The following JARID2 variants were observed in gnomAD, a reference collection of about 807,000 sequenced individuals.
JARID2 encodes jumonji and AT-rich interaction domain containing 2, also known as protein Jumonji.
In JARID2, 21 loss-of-function variants were observed where a neutral mutation model predicts 125.6. The observed-to-expected ratio is 0.17, with a 90% CI of 0.12 to 0.24. The LOEUF is 0.24. JARID2 is among the 10% of genes least tolerant of loss of function. The pLI is 1.00. For synonymous variants in JARID2, 736 were observed against 661.6 expected (o/e 1.11, Z -1.73); for missense variants, 1,303 against 1,639.6 (o/e 0.79, Z 3.55).
intron 1 of JARID2, among the ~76,000 whole-genome samples, chr6:15,275,447 C>G (rs986515430): frequency 6.7e-6 from 1 of 149,290 alleles, no homozygotes; most frequent in African/African-American, 2.5e-5. Flanking sequence ...TGTTTCCCAG[C>G]TGACTAGGTG....
chr6:15,482,710 T>A (rs1216558135), intron 5 of JARID2, among the ~76,000 whole-genome samples: 1 of 152,226 alleles, frequency 6.6e-6, no homozygotes, highest in African/African-American at 2.4e-5. Context: ...TTGTAGATGA[T>A]TTCAGTACTT....
Position 15,477,270 on chromosome 6 carries a change from C to G in JARID2, c.670+8552C>G, listed in dbSNP as rs145806044. On this transcript the variant is annotated intron_variant, in intron 5 of 17. Transcript: ENST00000341776. ...GCCTTTGAGGGGCATTGAGCCCTCT[C>G]TTTGTCTGGGCGGTGGGGTGTTGGG... Among the ~76,000 whole-genome samples, 52 of 152,178 alleles carry G rather than the reference C, an allele frequency of 3.4e-4. 1 individual carries two copies. The East Asian group carries it at 9.9e-3, about 29-fold the overall frequency.
intron 3 of JARID2, among the ~76,000 whole-genome samples, chr6:15,433,763 G>A (rs1466315997): frequency 2.0e-5 from 3 of 151,988 alleles, no homozygotes; most frequent in Non-Finnish European, 4.4e-5. Flanking sequence ...GGATATGGGG[G>A]GAAAATTTGA....
chr6:15,248,816 G>C (rs1759310829), intron 1 of JARID2: 1 of 712,414 alleles, frequency 1.4e-6, no homozygotes, highest in South Asian at 6.2e-5. Flanking sequence ...CGGGCGGGAG[G>C]CTCCAGGCGC....
intron 1 of JARID2, among the ~76,000 whole-genome samples, chr6:15,267,769 T>C (rs560299782): frequency 6.6e-6 from 1 of 151,434 alleles, no homozygotes; most frequent in Non-Finnish European, 1.5e-5. Flanking sequence ...CAGTAGGGGG[T>C]TTTTGGGTGG....
chr6:15,327,150 T>C (rs1335344477), intron 1 of JARID2, among the ~76,000 whole-genome samples: 2 of 152,216 alleles, frequency 1.3e-5, no homozygotes, highest in African/African-American at 4.8e-5. Context: ...TCTGTTAGCC[T>C]CCTTCCTCCT....
intron 3 of JARID2, among the ~76,000 whole-genome samples, chr6:15,424,842 A>T (rs1454584105): frequency 6.6e-6 from 1 of 152,194 alleles, no homozygotes; most frequent in Non-Finnish European, 1.5e-5. Flanking sequence ...CTGGGCAACA[A>T]GAGCAAAACT....
At chr6:15,470,761 A>G (rs1057192670) in intron 5 of JARID2, among the ~76,000 whole-genome samples, 1 of 152,152 alleles carries the variant, frequency 6.6e-6, no homozygotes, top group African/African-American at 2.4e-5. Context: ...TGTGAATTGG[A>G]ATGCAGGTAT....
intron 1 of JARID2, among the ~76,000 whole-genome samples, chr6:15,266,652 A>G (rs1345567779): frequency 6.6e-6 from 1 of 152,252 alleles, no homozygotes; most frequent in African/African-American, 2.4e-5. Context: ...ATTTTAAGGC[A>G]AAACATTTTC....
chr6:15,519,403 G>T (rs1042167208), intron 17 of JARID2, among the ~76,000 whole-genome samples: 2 of 152,162 alleles, frequency 1.3e-5, no homozygotes, highest in Admixed American at 6.5e-5. Flanking sequence ...GAGGACTAGA[G>T]ATCAGGCCCT....
At chr6:15,517,918 G>A (rs1236944995) in intron 17 of JARID2, among the ~76,000 whole-genome samples, 1 of 152,240 alleles carries the variant, frequency 6.6e-6, no homozygotes, top group Non-Finnish European at 1.5e-5. Flanking sequence ...TGTGGTCATT[G>A]CACATTTGAG....
At chr6:15,451,932 T>C in intron 3 of JARID2, 74 bp from the exon 4 acceptor site, 1 of 1,434,800 alleles carries the variant, frequency 7.0e-7, no homozygotes, top group Non-Finnish European at 9.4e-7. Flanking sequence ...TGTGTCATGA[T>C]TTTATTGCCG....
chr6:15,276,060 A>G (rs996296027), intron 1 of JARID2, among the ~76,000 whole-genome samples: 1 of 152,210 alleles, frequency 6.6e-6, no homozygotes, highest in African/African-American at 2.4e-5. Context: ...TAGAAGGGAA[A>G]TTGCTTTGCA....
chr6:15,272,880 A>G (rs193137125), intron 1 of JARID2, among the ~76,000 whole-genome samples: 173 of 152,312 alleles, frequency 1.1e-3, no homozygotes, highest in African/African-American at 3.9e-3. Context: ...TATTCTTGCC[A>G]TAGTCACTAA....
intron 3 of JARID2, among the ~76,000 whole-genome samples, chr6:15,439,046 A>AAG (rs1435806037): frequency 1.3e-5 from 2 of 151,646 alleles, no homozygotes; most frequent in Non-Finnish European, 2.9e-5. Context: ...AAAAAAAAAA[A>AAG]AAGGTGTGGG....
chr6:15,338,678 A>C (rs7740387), intron 1 of JARID2, among the ~76,000 whole-genome samples: 26,388 of 152,072 alleles, frequency 0.17, 2,566 homozygotes, highest in African/African-American at 0.26. Context: ...CCCTGCCCCT[A>C]TGGTCCACCC....
intron 4 of JARID2, among the ~76,000 whole-genome samples, chr6:15,456,173 T>C (rs781142715): frequency 1.3e-5 from 2 of 152,218 alleles, no homozygotes; most frequent in Non-Finnish European, 2.9e-5. Flanking sequence ...CACTATCTTA[T>C]AACATTATAT....
intron 2 of JARID2, among the ~76,000 whole-genome samples, chr6:15,380,557 C>T (rs544435548): frequency 1.3e-5 from 2 of 152,228 alleles, no homozygotes; most frequent in South Asian, 4.1e-4. Context: ...ATGCTGTTGT[C>T]GTTCTGGCTG....
chr6:15,283,213 T>C lies in JARID2; in HGVS notation c.45+36629T>C, dbSNP rs1013747904. On this transcript the variant is annotated intron_variant, in intron 1 of 17. Coordinates refer to ENST00000341776, the MANE Select transcript of JARID2 (RefSeq NM_004973.4). The stretch of plus-strand genomic sequence containing the variant: ...CAGGACGGTCTCGATCTGCCGACCT[T>C]GTGATCTGCCCACCTTGGCCTCCCA... Among the ~76,000 whole-genome samples, 78 of 146,674 alleles carry C rather than the reference T, an allele frequency of 5.3e-4. 1 individual carries two copies. The highest frequency in any genetic ancestry group is 2.3e-3 in the Admixed American group (34 of 14,622).
Sources: allele counts gnomAD v4.1 joint callset (sites outside exome capture counted in the v4.1 genomes callset), GRCh38; gene constraint gnomAD v4.1.1; transcripts MANE v1.5; gene names NCBI Gene and HGNC (gene_info 2026-07-23, HGNC 2026-07-21).